Variants in NKAIN3 observed in about 807,000 individuals in gnomAD.
The protein encoded by NKAIN3 is sodium/potassium-transporting ATPase subunit beta-1-interacting protein 3.
A neutral mutation model predicts 30.2 loss-of-function variants in NKAIN3; 25 were observed. The observed-to-expected ratio is 0.83, with a 90% CI of 0.60 to 1.16. The LOEUF is 1.16. Ranked by LOEUF, NKAIN3 falls within the 50% of genes most tolerant of loss-of-function variation. The pLI is 0.00. For synonymous variants in NKAIN3, 91 were observed against 89.6 expected, an observed-to-expected ratio of 1.02 and a Z score of -0.09; for missense variants, 225 against 254.1, an observed-to-expected ratio of 0.89 and a Z score of 0.78.
intron 4 of NKAIN3, among the ~76,000 whole-genome samples, chr8:62,913,882 T>C (rs34458164): frequency 0.11 from 16,074 of 152,286 alleles, 944 homozygotes; most frequent in East Asian, 0.17. Flanking sequence ...GATCTGTTTA[T>C]ACACTTTTGG....
intron 4 of NKAIN3, among the ~76,000 whole-genome samples, chr8:62,818,699 A>G (rs998055430): frequency 1.3e-5 from 2 of 152,126 alleles, no homozygotes; most frequent in Admixed American, 1.3e-4. Flanking sequence ...AAAAACATGT[A>G]AGCAGCTACA....
intron 4 of NKAIN3, among the ~76,000 whole-genome samples, chr8:62,882,371 T>C (rs1420760923): frequency 1.3e-5 from 2 of 152,150 alleles, no homozygotes; most frequent in African/African-American, 4.8e-5. Flanking sequence ...CAGGCTGGAG[T>C]ACAATGACGC....
intron 1 of NKAIN3, among the ~76,000 whole-genome samples, chr8:62,538,967 T>A (rs1937287484): frequency 6.6e-6 from 1 of 152,206 alleles, no homozygotes; most frequent in South Asian, 2.1e-4. Flanking sequence ...CCTGTTTGTT[T>A]ATCTGCTCCC....
At chr8:62,280,569 T>C (rs866692448) in intron 1 of NKAIN3, among the ~76,000 whole-genome samples, 1 of 152,142 alleles carries the variant, frequency 6.6e-6, no homozygotes, top group Non-Finnish European at 1.5e-5. Flanking sequence ...GATTTATTGG[T>C]AGTTTTTAGC....
chr8:62,959,597 G>A (rs910835312), intron 6 of NKAIN3, among the ~76,000 whole-genome samples: 1 of 152,094 alleles, frequency 6.6e-6, no homozygotes, highest in Non-Finnish European at 1.5e-5. Context: ...TCTTGATACT[G>A]TTTTCATTTG....
intron 1 of NKAIN3, among the ~76,000 whole-genome samples, chr8:62,513,490 G>T (rs1025061791): frequency 5.9e-5 from 9 of 152,132 alleles, no homozygotes; most frequent in African/African-American, 2.2e-4. Context: ...CCTCCAGGAA[G>T]TGATTCTTAA....
intron 1 of NKAIN3, among the ~76,000 whole-genome samples, chr8:62,534,227 T>C (rs1337069069): frequency 1.3e-5 from 2 of 152,156 alleles, no homozygotes; most frequent in Non-Finnish European, 2.9e-5. Flanking sequence ...AGCCCGGGTC[T>C]GAGTTAAACA....
At chr8:62,498,446 C>T (rs1326101975) in intron 1 of NKAIN3, among the ~76,000 whole-genome samples, 2 of 152,042 alleles carry the variant, frequency 1.3e-5, no homozygotes, top group African/African-American at 4.8e-5. Context: ...TATTGCTTCA[C>T]CTTAGTTGTA....
At chr8:62,606,558 A>G (rs898831274) in intron 3 of NKAIN3, among the ~76,000 whole-genome samples, 1 of 152,250 alleles carries the variant, frequency 6.6e-6, no homozygotes, top group South Asian at 2.1e-4. Context: ...AACAAGCACT[A>G]TATCCCCACA....
At position 62,965,446 on chromosome 8, in the gene NKAIN3, G is replaced by T; in HGVS notation, c.*39G>T. 1.0e-6 allele frequency: 1 copy of T among 985,646 alleles called. No individual in the cohort carries two copies. Among genetic ancestry groups the T allele is most frequent in the Non-Finnish European group, 1.2e-6 (1 of 829,888 alleles). 61.1% of individuals were successfully genotyped at this position (985,646 alleles called of 1,614,324 possible). A position where few individuals can be genotyped will look rare whatever the true frequency, so the allele number is the denominator to read the frequency against. On this transcript the variant is annotated 3_prime_UTR_variant, in exon 7 of 7. Coordinates refer to ENST00000623646, the MANE Select transcript of NKAIN3 (RefSeq NM_001304533.3). ...ATTGACTGCGCGCCTCGGTGGATCC[G>T]ACCCGCCTGACATTCCTTCCAGAGG...
intron 4 of NKAIN3, among the ~76,000 whole-genome samples, chr8:62,816,540 C>A (rs1410093884): frequency 1.3e-5 from 2 of 152,250 alleles, no homozygotes; most frequent in East Asian, 3.9e-4. Context: ...TTGGCCATGG[C>A]AGCTCTTGGT....
chr8:62,736,651 C>A (rs1815686195), intron 3 of NKAIN3, among the ~76,000 whole-genome samples: 1 of 152,162 alleles, frequency 6.6e-6, no homozygotes, highest in Non-Finnish European at 1.5e-5. Flanking sequence ...AAGTTTCACA[C>A]ATCCCCACCT....
intron 4 of NKAIN3, among the ~76,000 whole-genome samples, chr8:62,815,821 G>T (rs959242917): frequency 2.0e-5 from 3 of 151,798 alleles, no homozygotes; most frequent in Non-Finnish European, 4.4e-5. Flanking sequence ...TATTGTGGAA[G>T]TTTTCAATTG....
At chr8:62,809,931 A>G (rs1354416457) in intron 4 of NKAIN3, among the ~76,000 whole-genome samples, 1 of 152,120 alleles carries the variant, frequency 6.6e-6, no homozygotes, top group Non-Finnish European at 1.5e-5. Flanking sequence ...TATTTTTATG[A>G]CAGTGAAAGG....
chr8:62,323,002 T>A lies in NKAIN3; in HGVS notation c.54+73875T>A, dbSNP rs200170140. 1.1e-4 allele frequency among the ~76,000 whole-genome samples: 16 copies of A among 152,328 alleles called. No homozygotes were observed. In the East Asian group the frequency reaches 1.2e-3, roughly 11 times the overall value. On this transcript the variant is annotated intron_variant, in intron 1 of 6. Transcript: ENST00000623646. The stretch of plus-strand genomic sequence containing the variant: ...AGATATCATTGTATGCTTATTAGAA[T>A]GGCTAAATTCAAAACACTGACAGCA...
chr8:62,867,513 G>A (rs1312944018), intron 4 of NKAIN3, among the ~76,000 whole-genome samples: 1 of 152,172 alleles, frequency 6.6e-6, no homozygotes, highest in African/African-American at 2.4e-5. Context: ...GGAGATAGGA[G>A]GAGAGAACTG....
chr8:62,460,921 A>C (rs1334877481), intron 1 of NKAIN3, among the ~76,000 whole-genome samples: 1 of 152,188 alleles, frequency 6.6e-6, no homozygotes, highest in Non-Finnish European at 1.5e-5. Context: ...TTAAAGGAAA[A>C]TCTTGGGAAT....
chr8:62,844,210 C>T (rs915985247), intron 4 of NKAIN3, among the ~76,000 whole-genome samples: 1 of 152,102 alleles, frequency 6.6e-6, no homozygotes, highest in Non-Finnish European at 1.5e-5. Flanking sequence ...GGCAACTTAA[C>T]ATATTTGCAT....
intron 1 of NKAIN3, among the ~76,000 whole-genome samples, chr8:62,252,024 A>G (rs1293145132): frequency 1.3e-5 from 2 of 152,218 alleles, no homozygotes; most frequent in Non-Finnish European, 2.9e-5. Context: ...CAAAATTCCT[A>G]AAAATCTAAC....
Sources: gnomAD v4.1 joint callset for allele counts (sites outside exome capture counted in the v4.1 genomes callset) on GRCh38, gnomAD v4.1.1 for gene constraint, MANE v1.5 for transcripts, NCBI Gene and HGNC (gene_info 2026-07-23, HGNC 2026-07-21) for gene names.